CAST: variants seen among roughly 807,000 people sequenced by gnomAD.
The protein encoded by CAST is MIR583 host.
A neutral mutation model predicts 119.6 loss-of-function variants in CAST; 76 were observed. That is an observed-to-expected ratio of 0.64 (90% CI 0.53 to 0.77). The LOEUF is 0.77. CAST is among the 30% of genes least tolerant of loss of function. The pLI is 0.00. For synonymous variants in CAST, 319 were observed against 331.6 expected, an observed-to-expected ratio of 0.96 and a Z score of 0.41; for missense variants, 953 against 946.5, an observed-to-expected ratio of 1.01 and a Z score of -0.09.
upstream of CAST, among the ~76,000 whole-genome samples, chr5:96,659,223 T>C (rs936513939): frequency 6.6e-6 from 1 of 152,168 alleles, no homozygotes; most frequent in Non-Finnish European, 1.5e-5. Flanking sequence ...TACCAAAATG[T>C]GGGTAGACAT....
the CAST span, among the ~76,000 whole-genome samples, chr5:95,992,867 T>C: frequency 6.6e-6 from 1 of 152,144 alleles, no homozygotes; most frequent in African/African-American, 2.4e-5. Context: ...AAAAAATTGT[T>C]GAGTTTATTC....
chr5:96,063,674 T>C, the CAST span, among the ~76,000 whole-genome samples: 1 of 152,166 alleles, frequency 6.6e-6, no homozygotes, highest in Non-Finnish European at 1.5e-5. Flanking sequence ...TTCTGGTGTG[T>C]AGTCTTATTT....
intron 1 of CAST, among the ~76,000 whole-genome samples, chr5:96,601,753 C>T (rs1333232648): frequency 2.0e-5 from 3 of 152,054 alleles, no homozygotes; most frequent in Non-Finnish European, 4.4e-5. Flanking sequence ...CTCTATAGAC[C>T]AAAACTAAAG....
At chr5:96,619,630 G>A (rs1261029193) in intron 1 of CAST, among the ~76,000 whole-genome samples, 1 of 152,186 alleles carries the variant, frequency 6.6e-6, no homozygotes. Context: ...TCACTGCGAA[G>A]GTCTACAGCT....
chr5:96,726,652 T>C, intron 4 of CAST, 142 bp from the exon 5 acceptor site: 1 of 550,636 alleles, frequency 1.8e-6, no homozygotes, highest in Non-Finnish European at 3.2e-6. Context: ...GCCTACAGCT[T>C]CTTGGAGTTA....
At chr5:96,669,151 C>T (rs1260717616) in intron 1 of CAST, among the ~76,000 whole-genome samples, 3 of 152,348 alleles carry the variant, frequency 2.0e-5, no homozygotes, top group South Asian at 4.1e-4. Flanking sequence ...TGAAGGCAGA[C>T]AGTTCTAGGA....
chr5:96,392,921 A>T, the CAST span: 2 of 1,422,980 alleles, frequency 1.4e-6, no homozygotes, highest in Non-Finnish European at 2.0e-6. Context: ...TTCATGACAA[A>T]ACAACCACTT....
the CAST span, among the ~76,000 whole-genome samples, chr5:96,130,738 T>G: frequency 6.6e-6 from 1 of 152,010 alleles, no homozygotes; most frequent in African/African-American, 2.4e-5. Flanking sequence ...TAACAGGATA[T>G]CTACAAGAGA....
At chr5:96,152,089 G>C in the CAST span, among the ~76,000 whole-genome samples, 1 of 152,150 alleles carries the variant, frequency 6.6e-6, no homozygotes, top group African/African-American at 2.4e-5. Flanking sequence ...ACTCGTTCTA[G>C]GGCTCTGTTT....
intron 1 of CAST, among the ~76,000 whole-genome samples, chr5:96,605,289 A>G (rs895113396): frequency 1.3e-5 from 2 of 152,198 alleles, no homozygotes; most frequent in Non-Finnish European, 2.9e-5. Context: ...CACAGACTGC[A>G]TACTGTATAC....
the CAST span, among the ~76,000 whole-genome samples, chr5:96,040,753 G>T: frequency 2.0e-5 from 3 of 152,140 alleles, no homozygotes; most frequent in Non-Finnish European, 4.4e-5. Context: ...AGATTTTGAT[G>T]TGCTTCTGAA....
chr5:96,490,672 T>G, the CAST span, among the ~76,000 whole-genome samples: 1 of 152,026 alleles, frequency 6.6e-6, no homozygotes, highest in Non-Finnish European at 1.5e-5. Context: ...CAACAAATTA[T>G]GTTAAATTAA....
intron 3 of CAST, among the ~76,000 whole-genome samples, chr5:96,706,833 T>C (rs547433507): frequency 6.6e-6 from 1 of 152,342 alleles, no homozygotes; most frequent in African/African-American, 2.4e-5. Flanking sequence ...CTTGCTACTC[T>C]TCCCTTGTAG....
At chr5:96,499,291 T>A in the CAST span, among the ~76,000 whole-genome samples, 1 of 152,312 alleles carries the variant, frequency 6.6e-6, no homozygotes, top group East Asian at 1.9e-4. Context: ...CTGGGTTTGG[T>A]TCCAGACCAC....
upstream of CAST, chr5:96,662,329 C>T: frequency 2.2e-6 from 2 of 906,742 alleles, no homozygotes; most frequent in South Asian, 2.3e-5. Context: ...CGCTCCCTCC[C>T]TCCCTCCCTC....
At chr5:95,995,512 T>C in the CAST span, among the ~76,000 whole-genome samples, 1 of 152,110 alleles carries the variant, frequency 6.6e-6, no homozygotes, top group African/African-American at 2.4e-5. Context: ...TTCAGCAAAT[T>C]TGAATACCGC....
At chr5:96,577,238 G>A (rs1291128771) in intron 1 of CAST, among the ~76,000 whole-genome samples, 4 of 151,734 alleles carry the variant, frequency 2.6e-5, no homozygotes, top group African/African-American at 7.3e-5. Flanking sequence ...TTATTATCTT[G>A]TAGGATTTGT....
chr5:96,710,742 G>A (rs1240308973), intron 3 of CAST, among the ~76,000 whole-genome samples: 1 of 151,972 alleles, frequency 6.6e-6, no homozygotes, highest in Non-Finnish European at 1.5e-5. Flanking sequence ...TAGAGATCCT[G>A]TTTTCCCCCA....
chr5:96,615,585 A>C (rs960622765), intron 1 of CAST, among the ~76,000 whole-genome samples: 1 of 152,176 alleles, frequency 6.6e-6, no homozygotes, highest in African/African-American at 2.4e-5. Flanking sequence ...AACCTGCTCC[A>C]CCACGCCAGG....
Sources: allele counts gnomAD v4.1 joint callset (sites outside exome capture counted in the v4.1 genomes callset), GRCh38; gene constraint gnomAD v4.1.1; transcripts MANE v1.5; gene names NCBI Gene and HGNC (gene_info 2026-07-23, HGNC 2026-07-21).